The following SH3PXD2A variants were observed in gnomAD, a reference collection of about 807,000 sequenced individuals.
SH3PXD2A encodes the protein SH3 and PX domain-containing protein 2A.
Under a neutral mutation model 115.2 loss-of-function variants are expected in SH3PXD2A, and 32 were observed. The observed-to-expected ratio is 0.28, with a 90% CI of 0.21 to 0.37. SH3PXD2A has a LOEUF of 0.37. Ranked by LOEUF, SH3PXD2A falls within the 10% of genes least tolerant of loss-of-function variation. The pLI is 1.00. For missense variants in SH3PXD2A, 1,328 were observed against 1,498.7 expected, an observed-to-expected ratio of 0.89 and a Z score of 1.88; for synonymous variants, 610 against 629.1, an observed-to-expected ratio of 0.97 and a Z score of 0.45.
chr10:103,794,879 T>C (rs185341960), intron 2 of SH3PXD2A, among the ~76,000 whole-genome samples: 1 of 152,236 alleles, frequency 6.6e-6, no homozygotes, highest in Non-Finnish European at 1.5e-5. Context: ...GTGTTTGGAA[T>C]AGCCGCTGAG....
chr10:103,823,520 T>C (rs548022872), intron 1 of SH3PXD2A, among the ~76,000 whole-genome samples: 1 of 152,364 alleles, frequency 6.6e-6, no homozygotes, highest in South Asian at 2.1e-4. Flanking sequence ...TGCTAGGCTC[T>C]GCACTGGAGA....
rs1380286672 is a variant in SH3PXD2A at position 103,735,787 on chromosome 10, C to T, written c.251G>A (p.Ser84Asn). 1 of 1,613,000 alleles carries T rather than the reference C, an allele frequency of 6.2e-7. No individual in the cohort carries two copies. The highest frequency in any genetic ancestry group is 8.5e-7 in the Non-Finnish European group (1 of 1,179,596). The stretch of plus-strand genomic sequence containing the variant: ...CTTCACAGCTACGTCCCGGATGTGG[C>T]TTCTGCGGAAGAGGATCTTGCCTGG... ...FLPGKILFRR[S>N]HIRDVAVKRL... The change falls in exon 4 of 15, where the codon AGC becomes AAC. Residue 84 changes from serine (S) to asparagine (N), a missense_variant. By Grantham distance (46) the Ser-to-Asn change is conservative. Around this residue, in one of 5 missense-constraint regions of SH3PXD2A, gnomAD observed 110 missense variants for 160.0 expected, o/e 0.69. Coordinates refer to ENST00000369774, the MANE Select transcript of SH3PXD2A (RefSeq NM_001394015.1).
rs529062056 is a variant in SH3PXD2A, at chr10:103,812,081, C to T, written c.73-10719G>A. Among the ~76,000 whole-genome samples, 190 of 152,356 alleles carry T rather than the reference C, an allele frequency of 1.2e-3. 1 individual carries two copies. Among genetic ancestry groups the T allele is most frequent in the African/African-American group, 4.4e-3 (181 of 41,586 alleles). ...CTGGCAAGAGCCCACTTTGCAATCA[C>T]AGAGTTCTGGGCATGTCACCACTGG... is the stretch of plus-strand genomic sequence containing the variant. On this transcript the variant is annotated intron_variant, in intron 1 of 14. Coordinates refer to ENST00000369774, the MANE Select transcript of SH3PXD2A (RefSeq NM_001394015.1).
chr10:103,793,415 C>A (rs1389171251), intron 2 of SH3PXD2A, among the ~76,000 whole-genome samples: 3 of 151,972 alleles, frequency 2.0e-5, no homozygotes, highest in African/African-American at 4.8e-5. Flanking sequence ...GGAGATCCAC[C>A]CATGGATCAG....
chr10:103,717,326 C>G (rs1026867609), intron 5 of SH3PXD2A, among the ~76,000 whole-genome samples: 1 of 152,168 alleles, frequency 6.6e-6, no homozygotes, highest in African/African-American at 2.4e-5. Context: ...ATGTGGGTTC[C>G]TTGGTGGGGA....
chr10:103,771,577 TA>T (rs1425212808), intron 2 of SH3PXD2A, among the ~76,000 whole-genome samples: 1 of 151,970 alleles, frequency 6.6e-6, no homozygotes, highest in Non-Finnish European at 1.5e-5. Flanking sequence ...ACCCCATCTC[TA>T]CTAAAAAAAA....
intron 3 of SH3PXD2A, among the ~76,000 whole-genome samples, chr10:103,765,285 G>A (rs1452702726): frequency 6.6e-6 from 1 of 152,136 alleles, no homozygotes; most frequent in Non-Finnish European, 1.5e-5. Context: ...GTGGGGGCCA[G>A]CTCCAGGCCC....
At chr10:103,624,162 C>G (rs1386214328) in intron 9 of SH3PXD2A, among the ~76,000 whole-genome samples, 1 of 152,234 alleles carries the variant, frequency 6.6e-6, no homozygotes, top group Non-Finnish European at 1.5e-5. Context: ...GTTCCCCTAA[C>G]TCTGCTGCCC....
chr10:103,661,686 G>C, intron 7 of SH3PXD2A: 1 of 985,204 alleles, frequency 1.0e-6, no homozygotes, highest in Non-Finnish European at 1.2e-6. Flanking sequence ...GGAGAGGAGA[G>C]AGCGGGAGAG....
chr10:103,766,693 G>A (rs2038758259), intron 3 of SH3PXD2A, among the ~76,000 whole-genome samples: 1 of 152,210 alleles, frequency 6.6e-6, no homozygotes, highest in South Asian at 2.1e-4. Flanking sequence ...CGTGAGGACT[G>A]GAGGAGATCA....
Position 103,736,588 on chromosome 10 carries a change from G to A in SH3PXD2A, c.230-780C>T, listed in dbSNP as rs1461739876. On this transcript the variant is annotated intron_variant, in intron 3 of 14. Transcript: ENST00000369774. ...CAACTGACTTCTGTGCTAGGCGGCT[G>A]TCAATGTCTAGGGCCAAAGCCCCCT... Among the ~76,000 whole-genome samples, 2 of 152,288 alleles carry A rather than the reference G, an allele frequency of 1.3e-5. 1 individual carries two copies. The highest frequency in any genetic ancestry group is 4.8e-5 in the African/African-American group (2 of 41,480).
At chr10:103,702,604 T>C (rs901743167) in intron 5 of SH3PXD2A, among the ~76,000 whole-genome samples, 2 of 150,684 alleles carry the variant, frequency 1.3e-5, no homozygotes, top group African/African-American at 4.9e-5. Context: ...TGCGTGTGTG[T>C]GTGTGTGTGC....
At chr10:103,778,398 C>G (rs1239888086) in intron 2 of SH3PXD2A, among the ~76,000 whole-genome samples, 1 of 152,182 alleles carries the variant, frequency 6.6e-6, no homozygotes, top group Admixed American at 6.5e-5. Context: ...ACAGAGGAAA[C>G]CCCCAGAAGG....
At chr10:103,697,764 C>A (rs1356241590) in intron 5 of SH3PXD2A, among the ~76,000 whole-genome samples, 3 of 152,140 alleles carry the variant, frequency 2.0e-5, no homozygotes. Context: ...GTGCTCCCTC[C>A]CCGGATGCTC....
intron 6 of SH3PXD2A, among the ~76,000 whole-genome samples, chr10:103,672,083 G>C (rs922041994): frequency 1.2e-4 from 18 of 152,144 alleles, no homozygotes; most frequent in African/African-American, 4.3e-4. Context: ...TTAGGAGTTC[G>C]AGACCAGCCT....
At chr10:103,745,534 T>G (rs1354586704) in intron 3 of SH3PXD2A, among the ~76,000 whole-genome samples, 1 of 152,218 alleles carries the variant, frequency 6.6e-6, no homozygotes, top group Non-Finnish European at 1.5e-5. Flanking sequence ...TGTAAAAGCA[T>G]TTAGCATGGA....
chr10:103,763,909 G>A (rs1027679874), intron 3 of SH3PXD2A, among the ~76,000 whole-genome samples: 3 of 152,210 alleles, frequency 2.0e-5, no homozygotes, highest in African/African-American at 7.2e-5. Context: ...CGTGGGATCA[G>A]GCAGAGGCTA....
chr10:103,788,286 T>C (rs2038999618), intron 2 of SH3PXD2A, among the ~76,000 whole-genome samples: 1 of 152,028 alleles, frequency 6.6e-6, no homozygotes, highest in Non-Finnish European at 1.5e-5. Context: ...TCCTGGAGGG[T>C]AACTCAGGTT....
Position 103,743,940 on chromosome 10 carries a change from G to C in SH3PXD2A, c.230-8132C>G, listed in dbSNP as rs188416781. Among the ~76,000 whole-genome samples the C allele has an allele frequency of 4.6e-3, 703 of 152,338 alleles. 5 individuals are homozygous for C. The highest frequency in any genetic ancestry group is 0.023 in the South Asian group (110 of 4,826). ...TCAATAACAGGGTCTCGCTAGGGAA[G>C]AGAGCATAGAGCAGAGAGGCCTTGA... is the stretch of plus-strand genomic sequence containing the variant. On this transcript the variant is annotated intron_variant, in intron 3 of 14. Transcript: ENST00000369774.
Sources: allele counts gnomAD v4.1 joint callset (sites outside exome capture counted in the v4.1 genomes callset), GRCh38; gene constraint gnomAD v4.1.1; regional missense constraint gnomAD v4.1.1; transcripts MANE v1.5; gene names NCBI Gene and HGNC (gene_info 2026-07-23, HGNC 2026-07-21).